The following RPS6KA6 variants were observed in gnomAD, a reference collection of about 807,000 sequenced individuals.
RPS6KA6 encodes ribosomal protein S6 kinase A6.
Under a neutral mutation model 65.4 loss-of-function variants are expected in RPS6KA6, and 27 were observed. The observed-to-expected ratio is 0.41, with a 90% CI of 0.30 to 0.57. RPS6KA6 has a LOEUF of 0.57. RPS6KA6 is among the 20% of genes least tolerant of loss of function. The probability of loss-of-function intolerance (pLI) is 0.24; values close to 1 mark genes in which losing one functional copy is unlikely to be tolerated. For missense variants in RPS6KA6, 486 were observed against 555.6 expected (o/e 0.87, Z 1.26); for synonymous variants, 190 against 184.2 (o/e 1.03, Z -0.26).
At chrX:84,172,900 T>C (rs939517894) in intron 1 of RPS6KA6, among the ~76,000 whole-genome samples, 1 of 111,325 alleles carries the variant, frequency 9.0e-6, no homozygotes, top group African/African-American at 3.3e-5. Flanking sequence ...TTATATAAGG[T>C]ATCTAGAATA....
In RPS6KA6 at chrX:84,181,223, A is replaced by T. The variant is rs760295965; in HGVS notation, c.81+6596T>A. Among the ~76,000 whole-genome samples the T allele has an allele frequency of 3.6e-5, 4 of 111,892 alleles. No individual in the cohort carries two copies. The East Asian group carries it at 1.1e-3, about 31-fold the overall frequency. On this transcript the variant is annotated intron_variant, in intron 1 of 21. Transcript: ENST00000262752. ...CCCATGGGTTTTGAAATTTTTTGTT[A>T]GAGATGTAATGGGATATTTGTCATT... is the stretch of plus-strand genomic sequence containing the variant.
At chrX:84,076,517 T>C (rs1216564499) in intron 20 of RPS6KA6, among the ~76,000 whole-genome samples, 1 of 111,855 alleles carries the variant, frequency 8.9e-6, no homozygotes, top group Non-Finnish European at 1.9e-5. Context: ...GTAATTCAAA[T>C]GTATATCAAT....
intron 15 of RPS6KA6, 43 bp downstream of exon 15, chrX:84,106,322 A>G (rs1228779124): frequency 2.6e-6 from 3 of 1,145,988 alleles, no homozygotes; most frequent in Non-Finnish European, 3.5e-6. Flanking sequence ...AATTTAAATT[A>G]CATGCATAAA....
intron 20 of RPS6KA6, among the ~76,000 whole-genome samples, chrX:84,065,613 A>G (rs1216051389): frequency 8.9e-6 from 1 of 112,177 alleles, no homozygotes; most frequent in South Asian, 3.7e-4. Flanking sequence ...CTATCATAGT[A>G]GTCCCCAGTG....
intron 6 of RPS6KA6, 43 bp downstream of exon 6, chrX:84,145,435 G>T: frequency 1.2e-6 from 1 of 854,751 alleles, no homozygotes. Context: ...ATTTTTCTTA[G>T]TTTTGTTTTA....
chrX:84,120,320 G>T (rs2034644438), intron 8 of RPS6KA6, among the ~76,000 whole-genome samples: 1 of 110,947 alleles, frequency 9.0e-6, no homozygotes, highest in African/African-American at 3.3e-5. Context: ...AATCAAAGCT[G>T]CCGTATTGAT....
intron 3 of RPS6KA6, among the ~76,000 whole-genome samples, chrX:84,155,039 AT>A (rs199808910): frequency 3.0e-4 from 32 of 105,976 alleles, no homozygotes; most frequent in East Asian, 1.5e-3. Context: ...GTGTCCAGAA[AT>A]TTTTTTTTTT....
At chrX:84,132,792 T>G (rs2067073921) in intron 8 of RPS6KA6, among the ~76,000 whole-genome samples, 1 of 109,711 alleles carries the variant, frequency 9.1e-6, no homozygotes, top group African/African-American at 3.3e-5. Flanking sequence ...ACGAGGCCAA[T>G]CAGACTCAAA....
Position 84,122,365 on chromosome X carries a change from T to G in RPS6KA6, c.647-2338A>C, listed in dbSNP as rs1347879593. 1.5e-4 allele frequency among the ~76,000 whole-genome samples: 13 copies of G among 84,817 alleles called. 1 individual carries two copies. The South Asian group carries it at 7.0e-3, about 45-fold the overall frequency. 73.7% of individuals were successfully genotyped at this position (84,817 alleles called of 115,157 possible). A position where few individuals can be genotyped will look rare whatever the true frequency, so the allele number is the denominator to read the frequency against. ...AGCTTTTGTTATTTTTTTTAAGTTT[T>G]TTTTTTTTTTTTTTTTTTTTTTGAG... On this transcript the variant is annotated intron_variant, in intron 8 of 21. Coordinates refer to ENST00000262752, the MANE Select transcript of RPS6KA6 (RefSeq NM_014496.5).
In RPS6KA6 at chrX:84,096,270, T is replaced by C; in HGVS notation, c.1895A>G (p.Glu632Gly). 8.4e-7 allele frequency: 1 copy of C among 1,184,574 alleles called. No individual in the cohort carries two copies. The highest frequency in any genetic ancestry group is 1.1e-6 in the Non-Finnish European group (1 of 879,214). Residue 632 changes from glutamate (E) to glycine (G), a missense_variant, in exon 20 of 22, where the codon GAG (glutamate) becomes GGG (glycine). Around this residue, in one of 3 missense-constraint regions of RPS6KA6, gnomAD observed 345 missense variants for 375.0 expected, o/e 0.92. Transcript: ENST00000262752. ...FANGPNDTPE[E>G]ILLRIGNGKF... ...TCCATTGCCTATACGCAGCAGTATC[T>C]CTTCAGGAGTATCATTGGGGCCATT...
chrX:84,162,248 C>T (rs187972236), intron 2 of RPS6KA6, among the ~76,000 whole-genome samples: 1,181 of 109,884 alleles, frequency 0.011, 19 homozygotes, highest in African/African-American at 0.034. Context: ...AAGCCAACCA[C>T]AAAAAAACAC....
intron 20 of RPS6KA6, among the ~76,000 whole-genome samples, chrX:84,083,178 A>G (rs1003438935): frequency 8.9e-6 from 1 of 112,870 alleles, no homozygotes; most frequent in Non-Finnish European, 1.9e-5. Context: ...GAATGGGAGA[A>G]AATTTTTGGA....
chrX:84,152,002 T>C (rs752025277), intron 3 of RPS6KA6, among the ~76,000 whole-genome samples: 1 of 111,067 alleles, frequency 9.0e-6, no homozygotes, highest in Admixed American at 9.6e-5. Context: ...CTTAGTGGGA[T>C]TGTAAAGAAC....
intron 1 of RPS6KA6, among the ~76,000 whole-genome samples, chrX:84,186,465 T>C (rs939313723): frequency 8.9e-6 from 1 of 111,961 alleles, no homozygotes; most frequent in East Asian, 2.8e-4. Flanking sequence ...ATCTTGTTCT[T>C]ACGAGATGTA....
intron 2 of RPS6KA6, among the ~76,000 whole-genome samples, chrX:84,156,989 T>A (rs2035426957): frequency 8.9e-6 from 1 of 112,222 alleles, no homozygotes; most frequent in African/African-American, 3.2e-5. Flanking sequence ...CCCACAGAAT[T>A]TAACTTTACA....
chrX:84,101,990 C>T, intron 18 of RPS6KA6, 47 bp downstream of exon 18: 1 of 1,054,986 alleles, frequency 9.5e-7, no homozygotes, highest in Non-Finnish European at 1.3e-6. Flanking sequence ...ATAGATTCAA[C>T]TAAAGGAAAA....
At chrX:84,064,916 T>A in intron 21 of RPS6KA6, 55 bp downstream of exon 21, 1 of 955,905 alleles carries the variant, frequency 1.0e-6, no homozygotes, top group Non-Finnish European at 1.5e-6. Flanking sequence ...TGGCACACAA[T>A]GGGTTTATTA....
chrX:84,074,438 G>C (rs2033615224), intron 20 of RPS6KA6, among the ~76,000 whole-genome samples: 1 of 111,363 alleles, frequency 9.0e-6, no homozygotes, highest in Non-Finnish European at 1.9e-5. Context: ...GTAAGTTCTG[G>C]TGCTCTGTTG....
intron 3 of RPS6KA6, among the ~76,000 whole-genome samples, chrX:84,149,315 T>G (rs1484836429): frequency 8.9e-6 from 1 of 112,009 alleles, no homozygotes; most frequent in Non-Finnish European, 1.9e-5. Flanking sequence ...CCTGTTAATG[T>G]TGATATTTTG....
Sources: allele counts gnomAD v4.1 joint callset (sites outside exome capture counted in the v4.1 genomes callset), GRCh38; gene constraint gnomAD v4.1.1; regional missense constraint gnomAD v4.1.1; transcripts MANE v1.5; gene names NCBI Gene and HGNC (gene_info 2026-07-23, HGNC 2026-07-21).